The following IQSEC1 variants were observed in gnomAD, a reference collection of about 807,000 sequenced individuals.
IQSEC1 encodes the protein IQ motif and Sec7 domain ArfGEF 1.
In IQSEC1, 31 loss-of-function variants were observed where a neutral mutation model predicts 91.0. The observed-to-expected ratio is 0.34, with a 90% CI of 0.26 to 0.46. IQSEC1 has a LOEUF of 0.46. Among genes scored for constraint, IQSEC1 ranks in the 20% least tolerant of loss-of-function variants. IQSEC1 has a pLI of 1.00. For missense variants in IQSEC1, 1,388 were observed against 1,575.6 expected (o/e 0.88, Z 2.02); for synonymous variants, 699 against 662.6 (o/e 1.05, Z -0.84).
intron 2 of IQSEC1, among the ~76,000 whole-genome samples, chr3:13,144,714 C>T (rs1185728341): frequency 1.3e-5 from 2 of 152,238 alleles, no homozygotes; most frequent in African/African-American, 4.8e-5. Context: ...CCACGGCTGC[C>T]ACTGGAGAGA....
At position 12,898,169 on chromosome 3, in the gene IQSEC1, C is replaced by T. The variant is rs1693835747; in HGVS notation, c.*2814G>A. The T allele has an allele frequency of 6.6e-6, 1 of 152,262 alleles. No individual in the cohort carries two copies. Among genetic ancestry groups the T allele is most frequent in the Non-Finnish European group, 1.5e-5 (1 of 68,062 alleles). 9.4% of individuals were successfully genotyped at this position (152,262 alleles called of 1,614,324 possible). ...CCTCCCAGGGGATGTGATGACAGGA[C>T]CCCGAAGCTGTGGCTCTGACAGGTG... On this transcript the variant is annotated 3_prime_UTR_variant, in exon 14 of 14. Coordinates refer to ENST00000613206, the MANE Select transcript of IQSEC1 (RefSeq NM_001134382.3).
At chr3:13,062,048 A>C (rs1313947361) in intron 1 of IQSEC1, among the ~76,000 whole-genome samples, 1 of 152,190 alleles carries the variant, frequency 6.6e-6, no homozygotes, top group African/African-American at 2.4e-5. Flanking sequence ...TGAACAGGAC[A>C]TGGCCACAGG....
At chr3:12,955,422 C>T (rs116472572) in intron 1 of IQSEC1, among the ~76,000 whole-genome samples, 2,463 of 152,316 alleles carry the variant, frequency 0.016, 77 homozygotes, top group African/African-American at 0.056. Context: ...TCACTTGGGC[C>T]GAGAGCCAGC....
chr3:13,260,924 G>A (rs961742360), intron 1 of IQSEC1, among the ~76,000 whole-genome samples: 2 of 152,316 alleles, frequency 1.3e-5, no homozygotes, highest in South Asian at 4.1e-4. Flanking sequence ...CAGTGCAGAG[G>A]CCACCCAGCC....
At chr3:13,229,075 C>T (rs778268594) in intron 1 of IQSEC1, among the ~76,000 whole-genome samples, 12 of 152,260 alleles carry the variant, frequency 7.9e-5, no homozygotes, top group Middle Eastern at 3.4e-3. Flanking sequence ...GGGCTGGCAC[C>T]ACTGGCATAC....
chr3:13,189,899 G>A (rs1278077281), intron 1 of IQSEC1, among the ~76,000 whole-genome samples: 1 of 152,176 alleles, frequency 6.6e-6, no homozygotes, highest in Non-Finnish European at 1.5e-5. Context: ...AGTTGCTGGG[G>A]CCCTCATCCT....
intron 2 of IQSEC1, among the ~76,000 whole-genome samples, chr3:13,139,245 G>T (rs990563351): frequency 5.9e-5 from 9 of 152,202 alleles, no homozygotes; most frequent in Admixed American, 2.0e-4. Context: ...TCCTGGGCCT[G>T]CCTCCCTGGC....
In IQSEC1 at chr3:13,025,569, T is replaced by C. The variant is rs149569296; in HGVS notation, c.23+47423A>G. Among the ~76,000 whole-genome samples, 32 of 152,322 alleles carry C rather than the reference T, an allele frequency of 2.1e-4. No individual in the cohort carries two copies. The East Asian group carries it at 6.0e-3, about 28-fold the overall frequency. ...GGTCAGTGAGCCTCTGTCTGGCCTCTAGGCCTTGCTGAATGTGTGCCCTCT... is the reference window on the plus strand; with the variant it reads ...GGTCAGTGAGCCTCTGTCTGGCCTCCAGGCCTTGCTGAATGTGTGCCCTCT... On this transcript the variant is annotated intron_variant, in intron 1 of 13. Transcript: ENST00000613206.
chr3:13,014,202 C>T (rs909281743), intron 1 of IQSEC1, among the ~76,000 whole-genome samples: 4 of 152,222 alleles, frequency 2.6e-5, no homozygotes, highest in African/African-American at 4.8e-5. Context: ...CCTCCCCTAA[C>T]CAGCCTGAGG....
Position 12,901,133 on chromosome 3 carries a change from GCCC to G in IQSEC1, c.3192_3194del (p.Gly1065del). The G allele has an allele frequency of 6.5e-7, 1 of 1,542,882 alleles. No homozygotes were observed. Among genetic ancestry groups the G allele is most frequent in the Non-Finnish European group, 8.7e-7 (1 of 1,145,870 alleles). ...GGGCATGGGCCCCGTAGGCTGGGTG[GCCC>G]CCATGGGGGCCGTGGTGGTACTGGT... On this transcript the variant is annotated inframe_deletion, in exon 14 of 14. Transcript: ENST00000613206.
At chr3:13,053,205 T>C (rs1210921156) in intron 1 of IQSEC1, 3 of 673,024 alleles carry the variant, frequency 4.5e-6, no homozygotes, top group African/African-American at 1.8e-5. Flanking sequence ...CTTGTTTCCC[T>C]GTTGGGGATG....
At chr3:13,111,974 C>T (rs143601336) in intron 2 of IQSEC1, among the ~76,000 whole-genome samples, 2 of 152,284 alleles carry the variant, frequency 1.3e-5, no homozygotes, top group Non-Finnish European at 2.9e-5. Context: ...CTGCCATTGC[C>T]CTGGACAGCC....
At chr3:13,079,787 A>G (rs1428102802) in intron 2 of IQSEC1, among the ~76,000 whole-genome samples, 1 of 152,252 alleles carries the variant, frequency 6.6e-6, no homozygotes. Flanking sequence ...TAATGCAAGT[A>G]CCTTGTAATA....
rs11280597 is a variant in IQSEC1, at chr3:13,190,555, C to CAAAAAAAACAA, written c.273-26423_273-26422insTTGTTTTTTTT. 9.0e-3 allele frequency among the ~76,000 whole-genome samples: 1,284 copies of CAAAAAAAACAA among 142,610 alleles called. 10 individuals carry two copies. The highest frequency in any genetic ancestry group is 0.024 in the South Asian group (108 of 4,474). The allele number at this position is 142,610 out of a possible 152,430, so 93.6% of individuals were successfully genotyped here. On this transcript the variant is annotated intron_variant, in intron 1 of 15. Coordinates refer to the IQSEC1 transcript ENST00000648114. ...TGGGTGACAGAGCAAGACCCTGTCT[C>CAAAAAAAACAA]AAAAAAAAAAAACAGATAAAGTGTG... is the stretch of plus-strand genomic sequence containing the variant.
At chr3:12,917,848 A>AT (rs1409570721) in intron 6 of IQSEC1, among the ~76,000 whole-genome samples, 2 of 152,186 alleles carry the variant, frequency 1.3e-5, no homozygotes, top group African/African-American at 4.8e-5. Context: ...TTAAGAACAA[A>AT]CTTTAATAAC....
rs1705216422 is a variant in IQSEC1, at chr3:13,065,991, A to T, written c.23+7001T>A. ...AAGTAAGCCAGTCAGGAAAGGACAA[A>T]TGCTGTCTGATTCCACTCACATGAC... On this transcript the variant is annotated intron_variant, in intron 1 of 13. Transcript: ENST00000613206. Among the ~76,000 whole-genome samples, 5 of 152,204 alleles carry T rather than the reference A, an allele frequency of 3.3e-5. No individual in the cohort carries two copies. In the South Asian group the frequency reaches 1.0e-3, roughly 31 times the overall value.
chr3:13,149,161 G>A (rs987091012), intron 2 of IQSEC1, among the ~76,000 whole-genome samples: 3 of 152,232 alleles, frequency 2.0e-5, no homozygotes, highest in Admixed American at 1.3e-4. Context: ...TCACAGTGAT[G>A]AGTGCAGGCC....
At position 12,992,585 on chromosome 3, in the gene IQSEC1, T is replaced by C. The variant is rs1390999217; in HGVS notation, c.24-50720A>G. Among the ~76,000 whole-genome samples, 3 of 152,198 alleles carry C rather than the reference T, an allele frequency of 2.0e-5. No homozygotes were observed. Among genetic ancestry groups the C allele is most frequent in the African/African-American group, 7.2e-5 (3 of 41,442 alleles). Reference sequence around the variant, plus strand: ...AATGTGTCCACTGCCTGGTGGAGCCTGACCACAAAATGAAACGGTGGCTCA... The same window carrying C: ...AATGTGTCCACTGCCTGGTGGAGCCCGACCACAAAATGAAACGGTGGCTCA... On this transcript the variant is annotated intron_variant, in intron 1 of 13. Coordinates refer to ENST00000613206, the MANE Select transcript of IQSEC1 (RefSeq NM_001134382.3). This position sits in a 1 kb window ranked among gnomAD's most constrained non-coding sequence, Gnocchi z 4.1.
chr3:12,941,673 G>C lies in IQSEC1; in HGVS notation c.216C>G (p.His72Gln), dbSNP rs747150592. Residue 72 changes from histidine (H) to glutamine (Q), a missense_variant, in exon 2 of 14, where the codon CAC (histidine) becomes CAG (glutamine). By Grantham distance (24) the His-to-Gln change is conservative (BLOSUM62 0). Transcript: ENST00000613206. ...CCTGCTTGCGCAGGATGGAGGTCGAGTGCTGCAGCTTGGGCCTCCGCGTGC... is the reference window on the plus strand; with the variant it reads ...CCTGCTTGCGCAGGATGGAGGTCGACTGCTGCAGCTTGGGCCTCCGCGTGC... ...QQRTRRPKLQ[H>Q]STSILRKQAE... 1 of 1,612,952 alleles carries C rather than the reference G, an allele frequency of 6.2e-7. No homozygotes were observed. The highest frequency in any genetic ancestry group is 1.3e-5 in the African/African-American group (1 of 74,946).
Sources: allele counts gnomAD v4.1 joint callset (sites outside exome capture counted in the v4.1 genomes callset), GRCh38; gene constraint gnomAD v4.1.1; non-coding constraint Gnocchi (gnomAD v3.1); transcripts MANE v1.5; gene names NCBI Gene and HGNC (gene_info 2026-07-23, HGNC 2026-07-21).